Variants in RAD51B observed in about 807,000 individuals in gnomAD.
RAD51B encodes DNA repair protein RAD51 homolog 2.
RAD51B carries 38 observed loss-of-function variants against 42.2 expected under a neutral mutation model. That is an observed-to-expected ratio of 0.90 (90% CI 0.70 to 1.18). The LOEUF is 1.18. RAD51B is among the 50% of genes most tolerant of loss of function. RAD51B has a pLI of 0.00. For missense variants in RAD51B, 373 were observed against 400.7 expected, an observed-to-expected ratio of 0.93 and a Z score of 0.59; for synonymous variants, 154 against 145.2, an observed-to-expected ratio of 1.06 and a Z score of -0.43.
intron 8 of RAD51B, among the ~76,000 whole-genome samples, chr14:68,342,984 CTT>C (rs542285964): frequency 2.8e-5 from 4 of 141,476 alleles, no homozygotes; most frequent in Admixed American, 7.1e-5. Flanking sequence ...TTTCTGCTGC[CTT>C]TTTTTTTTTG....
At chr14:68,036,058 G>A (rs1487069429) in intron 7 of RAD51B, among the ~76,000 whole-genome samples, 1 of 152,146 alleles carries the variant, frequency 6.6e-6, no homozygotes, top group Non-Finnish European at 1.5e-5. Flanking sequence ...TGTTCCTTGT[G>A]TTTCATCTTG....
At chr14:68,537,224 C>A (rs1239192639) in intron 10 of RAD51B, among the ~76,000 whole-genome samples, 1 of 151,964 alleles carries the variant, frequency 6.6e-6, no homozygotes, top group Admixed American at 6.6e-5. Flanking sequence ...CATGGCCAGT[C>A]GCAGTGGCTC....
chr14:68,087,240 T>G (rs1156299292), intron 7 of RAD51B, among the ~76,000 whole-genome samples: 1 of 152,158 alleles, frequency 6.6e-6, no homozygotes, highest in Non-Finnish European at 1.5e-5. Context: ...GATAATGCTC[T>G]TTATTTTGGG....
chr14:68,353,818 G>T (rs555790948), intron 8 of RAD51B, among the ~76,000 whole-genome samples: 2 of 152,342 alleles, frequency 1.3e-5, no homozygotes, highest in East Asian at 3.9e-4. Flanking sequence ...GAAGGGCTCA[G>T]TAAGACCTTC....
chr14:67,866,545 A>G (rs1349598941), intron 5 of RAD51B, among the ~76,000 whole-genome samples: 1 of 152,236 alleles, frequency 6.6e-6, no homozygotes, highest in Non-Finnish European at 1.5e-5. Context: ...GTTCACTGTA[A>G]TGGATTTCTG....
intron 8 of RAD51B, among the ~76,000 whole-genome samples, chr14:68,315,714 G>T (rs1386570326): frequency 6.6e-6 from 1 of 152,100 alleles, no homozygotes; most frequent in African/African-American, 2.4e-5. Context: ...AGTAGAGACA[G>T]GGTTTCACCA....
At chr14:67,872,708 C>A (rs774365261) in intron 5 of RAD51B, among the ~76,000 whole-genome samples, 7,681 of 151,534 alleles carry the variant, frequency 0.051, 423 homozygotes, top group African/African-American at 0.14. Flanking sequence ...GCTACAGTAA[C>A]CAAAACAGCA....
At chr14:68,156,455 T>TTCTCTC (rs10650896) in intron 7 of RAD51B, among the ~76,000 whole-genome samples, 33,109 of 113,968 alleles carry the variant, frequency 0.29, 5,985 homozygotes, top group East Asian at 0.44. Flanking sequence ...CTTAGAAAAT[T>TTCTCTC]TCTCTCTCTC....
At chr14:68,134,320 G>A (rs1435126181) in intron 7 of RAD51B, among the ~76,000 whole-genome samples, 2 of 152,114 alleles carry the variant, frequency 1.3e-5, no homozygotes, top group Non-Finnish European at 2.9e-5. Context: ...TTGTATGGAT[G>A]TACCATAGTT....
At chr14:68,193,694 C>G (rs1373233359) in intron 7 of RAD51B, among the ~76,000 whole-genome samples, 1 of 152,138 alleles carries the variant, frequency 6.6e-6, no homozygotes, top group African/African-American at 2.4e-5. Flanking sequence ...AACAGTGAGC[C>G]AGAACACAAG....
chr14:67,939,032 T>A (rs2045060971), intron 7 of RAD51B, among the ~76,000 whole-genome samples: 1 of 152,228 alleles, frequency 6.6e-6, no homozygotes, highest in African/African-American at 2.4e-5. Context: ...TGGGCTCTAA[T>A]TTGAGAGACT....
At chr14:68,042,082 C>T (rs1336657420) in intron 7 of RAD51B, among the ~76,000 whole-genome samples, 1 of 152,188 alleles carries the variant, frequency 6.6e-6, no homozygotes, top group East Asian at 1.9e-4. Flanking sequence ...ATCAGCATTT[C>T]ATGAGTATAC....
At chr14:68,646,064 C>CTT (rs146646503) in intron 10 of RAD51B, among the ~76,000 whole-genome samples, 3 of 148,730 alleles carry the variant, frequency 2.0e-5, no homozygotes, top group African/African-American at 2.5e-5. Context: ...TGCTAGGCAT[C>CTT]TTTTTTTTTT....
chr14:68,464,320 GC>G (rs1490934927), intron 9 of RAD51B, among the ~76,000 whole-genome samples: 2 of 152,044 alleles, frequency 1.3e-5, no homozygotes, highest in African/African-American at 2.4e-5. Flanking sequence ...CAAAATTGAT[GC>G]CCCCACCTCC....
intron 7 of RAD51B, among the ~76,000 whole-genome samples, chr14:68,264,724 T>C (rs1250189932): frequency 2.0e-5 from 3 of 152,102 alleles, no homozygotes; most frequent in African/African-American, 7.2e-5. Flanking sequence ...TAGAAACTCA[T>C]TTAGGAGGAT....
At chr14:68,104,756 C>G (rs770471704) in intron 7 of RAD51B, among the ~76,000 whole-genome samples, 1 of 152,102 alleles carries the variant, frequency 6.6e-6, no homozygotes, top group Non-Finnish European at 1.5e-5. Context: ...AGACTTCATT[C>G]ACTTTTGATG....
chr14:68,601,819 A>T (rs1891231085), intron 10 of RAD51B, among the ~76,000 whole-genome samples: 1 of 152,062 alleles, frequency 6.6e-6, no homozygotes, highest in Admixed American at 6.6e-5. Context: ...GGAACATGAC[A>T]CTGGTCACTA....
intron 7 of RAD51B, among the ~76,000 whole-genome samples, chr14:67,936,674 C>T (rs1434100428): frequency 6.6e-6 from 1 of 152,166 alleles, no homozygotes; most frequent in African/African-American, 2.4e-5. Flanking sequence ...AACTGTGAAG[C>T]CACTTTTCCA....
intron 10 of RAD51B, among the ~76,000 whole-genome samples, chr14:68,546,380 A>G (rs1888235873): frequency 6.6e-6 from 1 of 152,210 alleles, no homozygotes; most frequent in Admixed American, 6.5e-5. Context: ...GTAGCTGGTG[A>G]TATCGTTGAC....
Sources: gnomAD v4.1 joint callset for allele counts (sites outside exome capture counted in the v4.1 genomes callset) on GRCh38, gnomAD v4.1.1 for gene constraint, MANE v1.5 for transcripts, NCBI Gene and HGNC (gene_info 2026-07-23, HGNC 2026-07-21) for gene names.